The following ZRANB3 variants were observed in gnomAD, a reference collection of about 807,000 sequenced individuals.
The protein encoded by ZRANB3 is DNA annealing helicase and endonuclease ZRANB3.
Under a neutral mutation model 133.8 loss-of-function variants are expected in ZRANB3, and 125 were observed. The ratio of observed to expected loss-of-function variants is 0.93; its 90% CI spans 0.81 to 1.08. ZRANB3 has a LOEUF of 1.08. Among genes scored for constraint, ZRANB3 ranks in the 50% least tolerant of loss-of-function variants. The pLI, the probability that ZRANB3 is intolerant of heterozygous loss-of-function variation, is 0.00. For synonymous variants in ZRANB3, 387 were observed against 432.7 expected (o/e 0.89, Z 1.31); for missense variants, 1,229 against 1,275.5 (o/e 0.96, Z 0.56).
Position 135,289,534 on chromosome 2 carries a change from G to A in ZRANB3, c.967-13779C>T, listed in dbSNP as rs182826420. On this transcript the variant is annotated intron_variant, in intron 8 of 20. Coordinates refer to ENST00000264159, the MANE Select transcript of ZRANB3 (RefSeq NM_032143.4). The stretch of plus-strand genomic sequence containing the variant: ...CTCCCACAGTGCTGGGATTACTGGC[G>A]TGAGCCACTGTGCCCGGCCATGGAG... Among the ~76,000 whole-genome samples, 199 of 152,318 alleles carry A rather than the reference G, an allele frequency of 1.3e-3. 2 individuals are homozygous for A. Among genetic ancestry groups the A allele is most frequent in the African/African-American group, 4.1e-3 (171 of 41,568 alleles).
At chr2:135,481,129 C>T (rs1422675503) in intron 2 of ZRANB3, among the ~76,000 whole-genome samples, 1 of 151,574 alleles carries the variant, frequency 6.6e-6, no homozygotes, top group Non-Finnish European at 1.5e-5. Context: ...GGTATATACC[C>T]AGTAATGGGA....
intron 1 of ZRANB3, chr2:135,511,203 C>T: frequency 1.2e-6 from 1 of 842,572 alleles, no homozygotes. Context: ...AGAAAATGTC[C>T]TCAAGTCTTC....
At chr2:135,475,848 T>C (rs1691477308) in intron 2 of ZRANB3, among the ~76,000 whole-genome samples, 1 of 151,912 alleles carries the variant, frequency 6.6e-6, no homozygotes, top group Non-Finnish European at 1.5e-5. Flanking sequence ...GAGGCTGAGG[T>C]GGGAGGATCA....
intron 2 of ZRANB3, among the ~76,000 whole-genome samples, chr2:135,479,835 C>T (rs905081265): frequency 3.3e-5 from 5 of 152,046 alleles, no homozygotes; most frequent in African/African-American, 4.8e-5. Flanking sequence ...TGCCAAGATA[C>T]GGTTTCTCAT....
intron 6 of ZRANB3, among the ~76,000 whole-genome samples, chr2:135,337,371 G>A (rs1684413916): frequency 6.6e-6 from 1 of 152,130 alleles, no homozygotes; most frequent in Non-Finnish European, 1.5e-5. Flanking sequence ...GAATCCATCA[G>A]GGAAAAAGGA....
intron 6 of ZRANB3, among the ~76,000 whole-genome samples, chr2:135,316,949 A>G (rs1035401597): frequency 4.1e-5 from 6 of 145,412 alleles, no homozygotes; most frequent in Non-Finnish European, 7.4e-5. Flanking sequence ...CTGGTGACAG[A>G]GCGAGATTCC....
chr2:135,483,922 T>C (rs917066385), intron 2 of ZRANB3, among the ~76,000 whole-genome samples: 4 of 152,198 alleles, frequency 2.6e-5, no homozygotes, highest in African/African-American at 9.7e-5. Flanking sequence ...TTGAGCGGTT[T>C]TGAGTGAGAT....
At chr2:135,404,250 C>T (rs948514666) in intron 2 of ZRANB3, among the ~76,000 whole-genome samples, 6 of 152,122 alleles carry the variant, frequency 3.9e-5, no homozygotes, top group Non-Finnish European at 7.4e-5. Flanking sequence ...GCAGAGAAGT[C>T]CTTAAAGGAC....
chr2:135,429,502 T>G (rs1052757583), intron 2 of ZRANB3, among the ~76,000 whole-genome samples: 2 of 152,074 alleles, frequency 1.3e-5, no homozygotes, highest in Non-Finnish European at 2.9e-5. Context: ...AACCTGCACA[T>G]GTACCCCTGA....
intron 6 of ZRANB3, among the ~76,000 whole-genome samples, chr2:135,337,698 AAAC>A (rs1244396235): frequency 1.3e-5 from 2 of 152,168 alleles, no homozygotes; most frequent in East Asian, 1.9e-4. Context: ...GTTACCAGAA[AAAC>A]AACTAAGAAC....
At chr2:135,503,380 T>C (rs1326683982) in intron 2 of ZRANB3, among the ~76,000 whole-genome samples, 2 of 152,188 alleles carry the variant, frequency 1.3e-5, no homozygotes, top group Non-Finnish European at 2.9e-5. Flanking sequence ...AAACTGTGGG[T>C]GTTGCCTCTA....
chr2:135,492,234 T>G (rs182055563), intron 2 of ZRANB3, among the ~76,000 whole-genome samples: 40 of 152,290 alleles, frequency 2.6e-4, no homozygotes, highest in Non-Finnish European at 3.8e-4. Flanking sequence ...GAAAGTGAGT[T>G]TAACACTGTT....
rs1693933932 is a variant in ZRANB3 at position 135,207,707 on chromosome 2, G to A, written c.2736C>T (p.Cys912=). 1 of 1,614,010 alleles carries A rather than the reference G, an allele frequency of 6.2e-7. No individual in the cohort carries two copies. The highest frequency in any genetic ancestry group is 2.2e-5 in the East Asian group (1 of 44,880). Residue 912 remains cysteine, a synonymous_variant, in exon 19 of 21, where the codon TGC becomes TGT. Transcript: ENST00000264159. ...GGCAAGTGGGTTGCTGACAGCGAAG[G>A]CAAAGTGGATTTCCTTCATTATCCA... is the stretch of plus-strand genomic sequence containing the variant. ...QAVDNEGNPL[C]LRCQQPTCQT...
chr2:135,429,103 T>G (rs1301297273), intron 2 of ZRANB3, among the ~76,000 whole-genome samples: 1 of 152,194 alleles, frequency 6.6e-6, no homozygotes, highest in Non-Finnish European at 1.5e-5. Flanking sequence ...ATCACAGTGC[T>G]ACTCACAATA....
chr2:135,424,021 G>C (rs903960185), intron 2 of ZRANB3, among the ~76,000 whole-genome samples: 1 of 152,096 alleles, frequency 6.6e-6, no homozygotes, highest in African/African-American at 2.4e-5. Context: ...AGACATTTAA[G>C]AACAGCTAAT....
At chr2:135,226,718 G>A (rs879919336) in intron 14 of ZRANB3, among the ~76,000 whole-genome samples, 3 of 152,196 alleles carry the variant, frequency 2.0e-5, no homozygotes, top group African/African-American at 4.8e-5. Context: ...CAATTGCCAG[G>A]TGTTGGTTCC....
intron 2 of ZRANB3, among the ~76,000 whole-genome samples, chr2:135,415,387 C>T (rs1217617508): frequency 6.6e-6 from 1 of 152,176 alleles, no homozygotes; most frequent in Non-Finnish European, 1.5e-5. Flanking sequence ...GACACACACA[C>T]TTTCCCAAGA....
chr2:135,479,961 G>A (rs543717565), intron 2 of ZRANB3, among the ~76,000 whole-genome samples: 56 of 149,044 alleles, frequency 3.8e-4, no homozygotes, highest in African/African-American at 1.3e-3. Context: ...TTTTTGAGAC[G>A]GATGCTCTGT....
chr2:135,379,161 T>A (rs969436272), intron 3 of ZRANB3, among the ~76,000 whole-genome samples: 1 of 152,152 alleles, frequency 6.6e-6, no homozygotes, highest in Non-Finnish European at 1.5e-5. Flanking sequence ...AATAATTCTA[T>A]AAATCTAAAA....
Sources: allele counts gnomAD v4.1 joint callset (sites outside exome capture counted in the v4.1 genomes callset), GRCh38; gene constraint gnomAD v4.1.1; transcripts MANE v1.5; gene names NCBI Gene and HGNC (gene_info 2026-07-23, HGNC 2026-07-21).